Variants in WDPCP observed in about 807,000 individuals in gnomAD.
WDPCP encodes the protein WD repeat-containing and planar cell polarity effector protein fritz homolog.
A neutral mutation model predicts 93.1 loss-of-function variants in WDPCP; 71 were observed. The observed-to-expected ratio is 0.76, with a 90% CI of 0.63 to 0.93. WDPCP has a LOEUF of 0.93. Among genes scored for constraint, WDPCP ranks in the 40% least tolerant of loss-of-function variants. The pLI is 0.00. For synonymous variants in WDPCP, 315 were observed against 315.0 expected (o/e 1.00, Z 0.00); for missense variants, 844 against 887.4 (o/e 0.95, Z 0.62).
At chr2:63,632,923 C>T (rs994126526) in intron 3 of WDPCP, among the ~76,000 whole-genome samples, 1 of 152,116 alleles carries the variant, frequency 6.6e-6, no homozygotes, top group African/African-American at 2.4e-5. Flanking sequence ...CACCAAAACA[C>T]ATTATAATAA....
intron 12 of WDPCP, among the ~76,000 whole-genome samples, chr2:63,327,634 T>A (rs931310611): frequency 3.3e-5 from 5 of 152,154 alleles, no homozygotes; most frequent in Non-Finnish European, 5.9e-5. Context: ...GTATGAGATA[T>A]CGCCCGGCAT....
intron 10 of WDPCP, among the ~76,000 whole-genome samples, chr2:63,400,221 T>C (rs1390780896): frequency 2.0e-5 from 3 of 152,198 alleles, no homozygotes; most frequent in Non-Finnish European, 4.4e-5. Flanking sequence ...AAAGCTACAA[T>C]AGGCAAGTGA....
At chr2:63,580,867 T>C (rs558829068) in intron 1 of WDPCP, among the ~76,000 whole-genome samples, 33 of 152,216 alleles carry the variant, frequency 2.2e-4, no homozygotes, top group African/African-American at 7.5e-4. Context: ...CTGAAGAATA[T>C]AGGAATATAA....
At chr2:63,768,378 T>A (rs1670177257) in intron 2 of WDPCP, among the ~76,000 whole-genome samples, 1 of 151,682 alleles carries the variant, frequency 6.6e-6, no homozygotes, top group Non-Finnish European at 1.5e-5. Flanking sequence ...CTATTCCAGG[T>A]CCTCTGCATT....
chr2:63,839,980 T>C, the WDPCP span, among the ~76,000 whole-genome samples: 2 of 152,244 alleles, frequency 1.3e-5, no homozygotes, highest in Non-Finnish European at 2.9e-5. Context: ...TATAAAGACG[T>C]AGAACCAAAA....
At chr2:63,452,323 G>A (rs1316172706) in intron 6 of WDPCP, among the ~76,000 whole-genome samples, 3 of 152,112 alleles carry the variant, frequency 2.0e-5, no homozygotes, top group Non-Finnish European at 2.9e-5. Context: ...GCCAAATCAC[G>A]AGCGAACTCC....
chr2:63,170,331 G>A (rs1296673041), intron 15 of WDPCP, among the ~76,000 whole-genome samples: 3 of 150,416 alleles, frequency 2.0e-5, no homozygotes. Context: ...GGAGTGCAAT[G>A]GTGCAATCTC....
At chr2:63,442,584 GT>G (rs1697573437) in intron 6 of WDPCP, 2 of 152,112 alleles carry the variant, frequency 1.3e-5, no homozygotes, top group Non-Finnish European at 2.9e-5. Flanking sequence ...TGTAACCCAG[GT>G]TGGACTCAAT....
Position 63,702,630 on chromosome 2 carries a change from C to T in WDPCP, n.309-51792G>A, listed in dbSNP as rs548054450. Among the ~76,000 whole-genome samples the T allele has an allele frequency of 3.9e-4, 59 of 151,626 alleles. No homozygotes were observed. The South Asian group carries it at 0.012, about 31-fold the overall frequency. On this transcript the variant is annotated intron_variant and non_coding_transcript_variant, in intron 2 of 4. Transcript: ENST00000467687. ...TTCGGCTCACTGCAAGCTACGCCTC[C>T]GGGGTTCACACCATTCTCCTGCCTC...
chr2:63,590,675 G>A (rs1272262615), upstream of WDPCP: 3 of 152,292 alleles, frequency 2.0e-5, no homozygotes, highest in East Asian at 5.8e-4. Flanking sequence ...AGGTCACAGA[G>A]ATTTTGGGCC....
At chr2:63,294,187 T>G (rs1308599299) in intron 13 of WDPCP, among the ~76,000 whole-genome samples, 2 of 151,960 alleles carry the variant, frequency 1.3e-5, no homozygotes, top group South Asian at 2.1e-4. Flanking sequence ...GCTTTGGAGG[T>G]AAGAAAGCAC....
chr2:63,136,354 A>T (rs1419694484), intron 17 of WDPCP, among the ~76,000 whole-genome samples: 1 of 152,154 alleles, frequency 6.6e-6, no homozygotes, highest in Non-Finnish European at 1.5e-5. Context: ...AAATTTAAGA[A>T]AATTATTTGG....
At chr2:63,132,789 T>C (rs189870666) in intron 17 of WDPCP, among the ~76,000 whole-genome samples, 72 of 152,284 alleles carry the variant, frequency 4.7e-4, no homozygotes, top group African/African-American at 1.7e-3. Context: ...CTTTACTGTT[T>C]GAACATATTT....
chr2:63,221,770 G>C (rs1677854873), intron 14 of WDPCP, among the ~76,000 whole-genome samples: 1 of 152,150 alleles, frequency 6.6e-6, no homozygotes, highest in African/African-American at 2.4e-5. Context: ...CTATATGTAG[G>C]TGTCCACTTG....
chr2:63,456,872 C>T (rs951457183), intron 6 of WDPCP, among the ~76,000 whole-genome samples: 34 of 152,010 alleles, frequency 2.2e-4, no homozygotes, highest in Admixed American at 2.2e-3. Flanking sequence ...ACTTGCCGAG[C>T]TTGGTGGCAC....
intron 1 of WDPCP, among the ~76,000 whole-genome samples, chr2:63,567,864 T>A (rs1051150019): frequency 6.6e-6 from 1 of 152,224 alleles, no homozygotes; most frequent in African/African-American, 2.4e-5. Flanking sequence ...CCAGTAGATA[T>A]TAAACTCATT....
chr2:63,716,646 G>T (rs1044150101), intron 2 of WDPCP, among the ~76,000 whole-genome samples: 3 of 152,168 alleles, frequency 2.0e-5, no homozygotes, highest in African/African-American at 7.2e-5. Context: ...AGAGGTTGGG[G>T]TGTGCAGTGT....
intron 2 of WDPCP, among the ~76,000 whole-genome samples, chr2:63,773,791 T>C (rs1435926657): frequency 6.6e-6 from 1 of 152,092 alleles, no homozygotes; most frequent in African/African-American, 2.4e-5. Flanking sequence ...AGTTCAACAT[T>C]ATTCTGAAAG....
intron 12 of WDPCP, among the ~76,000 whole-genome samples, chr2:63,336,398 T>C (rs566522015): frequency 1.3e-5 from 2 of 152,354 alleles, no homozygotes; most frequent in Admixed American, 6.5e-5. Flanking sequence ...CAATATTGAC[T>C]AGTAGTGGTG....
Sources: allele counts gnomAD v4.1 joint callset (sites outside exome capture counted in the v4.1 genomes callset), GRCh38; gene constraint gnomAD v4.1.1; transcripts MANE v1.5; gene names NCBI Gene and HGNC (gene_info 2026-07-23, HGNC 2026-07-21).